Variants in CDH18 observed in about 807,000 individuals in gnomAD.
CDH18 encodes cadherin 18.
In CDH18, 31 loss-of-function variants were observed where a neutral mutation model predicts 67.9. The observed-to-expected ratio is 0.46, with a 90% CI of 0.34 to 0.62. The LOEUF is 0.62. CDH18 is among the 20% of genes least tolerant of loss of function. CDH18 has a pLI of 0.01. For synonymous variants in CDH18, 362 were observed against 347.2 expected (o/e 1.04, Z -0.48); for missense variants, 890 against 975.5 (o/e 0.91, Z 1.17).
chr5:20,125,468 G>A lies in CDH18; in HGVS notation c.-518+129976C>T, dbSNP rs184892948. Among the ~76,000 whole-genome samples, 467 of 151,986 alleles carry A rather than the reference G, an allele frequency of 3.1e-3. 2 individuals carry two copies. The highest frequency in any genetic ancestry group is 0.011 in the African/African-American group (439 of 41,448). On this transcript the variant is annotated intron_variant, in intron 2 of 14. Coordinates refer to the CDH18 transcript ENST00000507958. ...TATATGTAGAATATATGCTTGAGTGGGTTTATGTTTAGTTTTTCTACAATT... is the reference window on the plus strand; with the variant it reads ...TATATGTAGAATATATGCTTGAGTGAGTTTATGTTTAGTTTTTCTACAATT...
At chr5:20,224,398 A>G (rs896325386) in intron 2 of CDH18, among the ~76,000 whole-genome samples, 3 of 152,108 alleles carry the variant, frequency 2.0e-5, no homozygotes, top group Non-Finnish European at 2.9e-5. Flanking sequence ...CTGCCTGAAT[A>G]TTCATATTGA....
At chr5:20,091,773 G>A (rs1270531585) in intron 2 of CDH18, among the ~76,000 whole-genome samples, 1 of 151,628 alleles carries the variant, frequency 6.6e-6, no homozygotes, top group Non-Finnish European at 1.5e-5. Context: ...ACTGAAGAGA[G>A]GAGGCAATAG....
chr5:20,440,734 T>A (rs1749543839), intron 1 of CDH18, among the ~76,000 whole-genome samples: 1 of 151,926 alleles, frequency 6.6e-6, no homozygotes, highest in Admixed American at 6.5e-5. Context: ...GTTGGAAAAT[T>A]AGATAATTTC....
intron 5 of CDH18, among the ~76,000 whole-genome samples, chr5:19,667,297 T>A: frequency 6.6e-6 from 1 of 151,580 alleles, no homozygotes; most frequent in East Asian, 1.9e-4. Flanking sequence ...AAAATTGCAG[T>A]TGAACAAATT....
chr5:20,408,090 C>A lies in CDH18; in HGVS notation c.-579-152585G>T, dbSNP rs145605406. Among the ~76,000 whole-genome samples, 43 of 151,982 alleles carry A rather than the reference C, an allele frequency of 2.8e-4. 1 individual carries two copies. The highest frequency in any genetic ancestry group is 3.4e-3 in the Middle Eastern group (1 of 294). On this transcript the variant is annotated intron_variant, in intron 1 of 14. Transcript: ENST00000507958. ...TACCTCTCAGTAGAAACTTTTTAGG[C>A]CAAAAGGGCCTGGGATAAATTACTG...
At chr5:20,257,613 T>C (rs951398203) in intron 1 of CDH18, among the ~76,000 whole-genome samples, 2 of 152,132 alleles carry the variant, frequency 1.3e-5, no homozygotes, top group Non-Finnish European at 2.9e-5. Flanking sequence ...TAAGTTGTAA[T>C]AGTTCTTAGC....
At chr5:19,641,225 A>C (rs2150225252) in intron 5 of CDH18, among the ~76,000 whole-genome samples, 1 of 151,954 alleles carries the variant, frequency 6.6e-6, no homozygotes, top group Middle Eastern at 3.4e-3. Flanking sequence ...AAAGCTCAGG[A>C]CCAGGTATCT....
At chr5:19,702,148 CT>C (rs70950086) in intron 5 of CDH18, among the ~76,000 whole-genome samples, 62 of 114,872 alleles carry the variant, frequency 5.4e-4, no homozygotes, top group African/African-American at 1.4e-3. Context: ...CTTTCTCTCT[CT>C]TTTTTTTTTT....
chr5:20,062,967 G>C (rs1362588934), intron 2 of CDH18, among the ~76,000 whole-genome samples: 1 of 144,288 alleles, frequency 6.9e-6, no homozygotes, highest in Non-Finnish European at 1.5e-5. Flanking sequence ...ATTGCATTTA[G>C]TCCAATATGC....
chr5:19,947,044 A>G (rs1047425447), intron 2 of CDH18, among the ~76,000 whole-genome samples: 98 of 152,294 alleles, frequency 6.4e-4, no homozygotes, highest in African/African-American at 2.3e-3. Context: ...CATTTATTAT[A>G]TAAACTTGTA....
At chr5:20,064,737 C>T (rs1742821699) in intron 2 of CDH18, among the ~76,000 whole-genome samples, 1 of 151,888 alleles carries the variant, frequency 6.6e-6, no homozygotes, top group Non-Finnish European at 1.5e-5. Flanking sequence ...GAAAGTTAAA[C>T]AGAACAGTAT....
chr5:20,097,122 T>A (rs1046736788), intron 2 of CDH18, among the ~76,000 whole-genome samples: 1 of 152,190 alleles, frequency 6.6e-6, no homozygotes, highest in African/African-American at 2.4e-5. Flanking sequence ...GCACATGATC[T>A]ATTTCTCCTG....
chr5:19,952,843 A>G (rs1795933235), intron 2 of CDH18, among the ~76,000 whole-genome samples: 1 of 152,170 alleles, frequency 6.6e-6, no homozygotes, highest in African/African-American at 2.4e-5. Context: ...TCACAATAGT[A>G]AAATGTAGTT....
At chr5:20,118,233 A>G (rs1174453372) in intron 2 of CDH18, among the ~76,000 whole-genome samples, 1 of 152,202 alleles carries the variant, frequency 6.6e-6, no homozygotes, top group Non-Finnish European at 1.5e-5. Flanking sequence ...GCGTTGCAGC[A>G]GTAAAGGAAT....
intron 2 of CDH18, among the ~76,000 whole-genome samples, chr5:20,125,878 C>A (rs1748777731): frequency 6.6e-6 from 1 of 152,122 alleles, no homozygotes; most frequent in African/African-American, 2.4e-5. Flanking sequence ...ACTTGCTCAA[C>A]CACTGTGCCC....
chr5:20,574,562 A>G lies in CDH18; in HGVS notation c.-580+900T>C, dbSNP rs191291166. 3.3e-5 allele frequency among the ~76,000 whole-genome samples: 5 copies of G among 152,156 alleles called. No homozygotes were observed. In the East Asian group the frequency reaches 7.7e-4, roughly 24 times the overall value. On this transcript the variant is annotated intron_variant, in intron 1 of 14. Transcript: ENST00000507958. Reference sequence around the variant, plus strand: ...CATTAAATAAATTCTTTCTGTCACAATGTTTTATCCTTAGCAGTTAATATC... The same window carrying G: ...CATTAAATAAATTCTTTCTGTCACAGTGTTTTATCCTTAGCAGTTAATATC...
intron 12 of CDH18, among the ~76,000 whole-genome samples, chr5:19,477,644 A>G (rs1579672752): frequency 6.6e-6 from 1 of 152,190 alleles, no homozygotes; most frequent in Middle Eastern, 3.4e-3. Flanking sequence ...GCAGATAATA[A>G]TTATACATAT....
chr5:20,381,368 T>C (rs1437867234), intron 1 of CDH18, among the ~76,000 whole-genome samples: 2 of 151,978 alleles, frequency 1.3e-5, no homozygotes, highest in African/African-American at 4.8e-5. Flanking sequence ...ACTGTATGTG[T>C]CCTTGTTGGG....
chr5:19,996,619 T>C (rs575805558), intron 2 of CDH18, among the ~76,000 whole-genome samples: 1 of 152,142 alleles, frequency 6.6e-6, no homozygotes, highest in South Asian at 2.1e-4. Context: ...ATTTGCTTAT[T>C]CAATAGTTGA....
Sources: allele counts gnomAD v4.1 joint callset (sites outside exome capture counted in the v4.1 genomes callset), GRCh38; gene constraint gnomAD v4.1.1; transcripts MANE v1.5; gene names NCBI Gene and HGNC (gene_info 2026-07-23, HGNC 2026-07-21).